The following ELAVL2 variants were observed in gnomAD, a reference collection of about 807,000 sequenced individuals.
ELAVL2 encodes ELAV like RNA binding protein 2.
A neutral mutation model predicts 34.6 loss-of-function variants in ELAVL2; 4 were observed. That is an observed-to-expected ratio of 0.12 (90% CI 0.06 to 0.26). The LOEUF (loss-of-function observed/expected upper bound fraction) is 0.26, where lower values mean the gene tolerates loss of function less well. Among genes scored for constraint, ELAVL2 ranks in the 10% least tolerant of loss-of-function variants. ELAVL2 has a pLI of 1.00. For missense variants in ELAVL2, 432 were observed against 442.8 expected, an observed-to-expected ratio of 0.98 and a Z score of 0.22; for synonymous variants, 193 against 154.8, an observed-to-expected ratio of 1.25 and a Z score of -1.83.
intron 2 of ELAVL2, among the ~76,000 whole-genome samples, chr9:23,736,885 C>T (rs567479443): frequency 6.6e-6 from 1 of 152,166 alleles, no homozygotes; most frequent in East Asian, 1.9e-4. Context: ...GCTCATCTTC[C>T]ACCACTCCTA....
intron 1 of ELAVL2, among the ~76,000 whole-genome samples, chr9:23,768,541 A>G (rs2056741759): frequency 6.6e-6 from 1 of 152,124 alleles, no homozygotes; most frequent in South Asian, 2.1e-4. Flanking sequence ...TATCCCACCA[A>G]GTATTTCAAA....
intron 1 of ELAVL2, among the ~76,000 whole-genome samples, chr9:23,769,519 C>G (rs900908894): frequency 1.3e-5 from 2 of 152,160 alleles, no homozygotes. Context: ...CAGGAACAAG[C>G]CATTAGTTTG....
rs758201588 is a variant in ELAVL2 at position 23,762,239 on chromosome 9, G to A, written c.-5C>T. The stretch of plus-strand genomic sequence containing the variant: ...ATTAGACAGTTGTGTTTCCATGGCA[G>A]CAATTACCTGCTAAAAACAGAGAAA... On this transcript the variant is annotated 5_prime_UTR_variant, in exon 2 of 7. Coordinates refer to ENST00000397312, the MANE Select transcript of ELAVL2 (RefSeq NM_004432.5). 6.2e-7 allele frequency: 1 copy of A among 1,613,062 alleles called. No individual in the cohort carries two copies. Among genetic ancestry groups the A allele is most frequent in the Non-Finnish European group, 8.5e-7 (1 of 1,179,406 alleles).
At chr9:23,712,139 C>G (rs1238174407) in intron 3 of ELAVL2, among the ~76,000 whole-genome samples, 1 of 152,040 alleles carries the variant, frequency 6.6e-6, no homozygotes, top group East Asian at 1.9e-4. Flanking sequence ...ATCATTTAGT[C>G]CAATTTCTTT....
intron 3 of ELAVL2, among the ~76,000 whole-genome samples, chr9:23,705,973 A>T (rs934424539): frequency 2.8e-5 from 4 of 144,638 alleles, no homozygotes; most frequent in Non-Finnish European, 6.1e-5. Flanking sequence ...CTACATTTCT[A>T]AAAAAAAATT....
upstream of ELAVL2, chr9:23,829,978 G>C (rs1319113307): frequency 6.6e-6 from 1 of 152,178 alleles, no homozygotes; most frequent in Non-Finnish European, 1.5e-5. Context: ...CAGCCATCAT[G>C]ACAAACTGTC....
intron 1 of ELAVL2, among the ~76,000 whole-genome samples, chr9:23,824,961 G>A (rs554116549): frequency 2.0e-5 from 3 of 152,258 alleles, no homozygotes; most frequent in South Asian, 2.1e-4. Context: ...AGCCGCGTAG[G>A]ACCAAGGACA....
intron 1 of ELAVL2, among the ~76,000 whole-genome samples, chr9:23,819,147 C>G (rs1181727441): frequency 6.6e-6 from 1 of 152,084 alleles, no homozygotes; most frequent in Non-Finnish European, 1.5e-5. Context: ...CGGTTGGTTA[C>G]AAGGATTCAG....
chr9:23,766,342 G>A (rs150060192), intron 1 of ELAVL2, among the ~76,000 whole-genome samples: 1 of 152,094 alleles, frequency 6.6e-6, no homozygotes, highest in Non-Finnish European at 1.5e-5. Flanking sequence ...GTGAAAAAGT[G>A]CTTTACACCC....
intron 1 of ELAVL2, among the ~76,000 whole-genome samples, chr9:23,774,522 C>T (rs989962318): frequency 6.6e-6 from 1 of 152,162 alleles, no homozygotes; most frequent in Non-Finnish European, 1.5e-5. Context: ...TGCAATGCTG[C>T]AATTTTTAAC....
chr9:23,696,262 T>C (rs1185098850), intron 5 of ELAVL2, among the ~76,000 whole-genome samples: 3 of 152,076 alleles, frequency 2.0e-5, no homozygotes, highest in Non-Finnish European at 4.4e-5. Context: ...CTCGGTGCCA[T>C]AGATTCATGT....
At chr9:23,782,176 T>C (rs1415876691) in intron 1 of ELAVL2, among the ~76,000 whole-genome samples, 26 of 152,174 alleles carry the variant, frequency 1.7e-4, no homozygotes, top group Admixed American at 1.5e-3. Flanking sequence ...AAAACACTTT[T>C]ATTACTGAAC....
intron 1 of ELAVL2, among the ~76,000 whole-genome samples, chr9:23,812,554 G>A (rs2063150885): frequency 6.6e-6 from 1 of 152,010 alleles, no homozygotes; most frequent in Non-Finnish European, 1.5e-5. Context: ...GCTGCAGGGA[G>A]CATCAAAAAC....
chr9:23,777,733 T>A (rs984482203), intron 1 of ELAVL2, among the ~76,000 whole-genome samples: 1 of 152,204 alleles, frequency 6.6e-6, no homozygotes. Context: ...TGCCATCAAT[T>A]AAGGAAGAAC....
chr9:23,737,602 T>C (rs1284280047), intron 2 of ELAVL2, among the ~76,000 whole-genome samples: 1 of 152,238 alleles, frequency 6.6e-6, no homozygotes, highest in Non-Finnish European at 1.5e-5. Flanking sequence ...GCTGAGACTA[T>C]TCATGTACAA....
At chr9:23,757,300 A>G (rs1004095897) in intron 2 of ELAVL2, among the ~76,000 whole-genome samples, 6 of 152,246 alleles carry the variant, frequency 3.9e-5, no homozygotes, top group Admixed American at 3.9e-4. Flanking sequence ...TCAGTTGGCC[A>G]TTTGCTTCAT....
At chr9:23,829,607 C>G (rs2065435279), upstream of ELAVL2, 1 of 152,058 alleles carries the variant, frequency 6.6e-6, no homozygotes, top group African/African-American at 2.4e-5. Context: ...AGTTTAATGT[C>G]TGCATGAGAA....
At chr9:23,706,637 T>C (rs965242212) in intron 3 of ELAVL2, among the ~76,000 whole-genome samples, 5 of 152,212 alleles carry the variant, frequency 3.3e-5, no homozygotes, top group Non-Finnish European at 4.4e-5. Flanking sequence ...CTCAGATTAT[T>C]ACTAAAAATG....
intron 1 of ELAVL2, among the ~76,000 whole-genome samples, chr9:23,813,906 T>A (rs566336069): frequency 3.9e-5 from 6 of 152,178 alleles, no homozygotes; most frequent in Non-Finnish European, 8.8e-5. Flanking sequence ...TCACGTGGCT[T>A]TAGGAAGTAT....
Sources: allele counts gnomAD v4.1 joint callset (sites outside exome capture counted in the v4.1 genomes callset), GRCh38; gene constraint gnomAD v4.1.1; transcripts MANE v1.5; gene names NCBI Gene and HGNC (gene_info 2026-07-23, HGNC 2026-07-21).